Variants in DNAH12 observed in about 807,000 individuals in gnomAD.
DNAH12 encodes dynein axonemal heavy chain 12.
DNAH12 carries 285 observed loss-of-function variants against 371.5 expected under a neutral mutation model. That is an observed-to-expected ratio of 0.77 (90% CI 0.70 to 0.85). The LOEUF (loss-of-function observed/expected upper bound fraction) is 0.85, where lower values mean the gene tolerates loss of function less well. Ranked by LOEUF, DNAH12 falls within the 40% of genes least tolerant of loss-of-function variation. The pLI is 0.00. For synonymous variants in DNAH12, 1,200 were observed against 1,213.0 expected, an observed-to-expected ratio of 0.99 and a Z score of 0.22; for missense variants, 3,611 against 3,689.4, an observed-to-expected ratio of 0.98 and a Z score of 0.55.
intron 13 of DNAH12, among the ~76,000 whole-genome samples, chr3:57,480,205 T>G (rs1038993632): frequency 6.6e-5 from 10 of 150,510 alleles, no homozygotes; most frequent in Non-Finnish European, 1.5e-4. Context: ...GAGAGAAGAA[T>G]CAAATAGATG....
chr3:57,325,750 G>C (rs953449575), intron 62 of DNAH12, among the ~76,000 whole-genome samples: 1 of 152,160 alleles, frequency 6.6e-6, no homozygotes, highest in Admixed American at 6.6e-5. Context: ...AGAGAAGAAG[G>C]CTTCAGACAA....
chr3:57,425,218 A>T (rs923571673), intron 34 of DNAH12, 77 bp from the exon 35 acceptor site: 3 of 660,428 alleles, frequency 4.5e-6, no homozygotes, highest in African/African-American at 3.6e-5. Flanking sequence ...ATTTTTAAAA[A>T]CTGATAAAAG....
chr3:57,476,542 T>A (rs1411274015), intron 13 of DNAH12, among the ~76,000 whole-genome samples: 1 of 151,260 alleles, frequency 6.6e-6, no homozygotes, highest in Admixed American at 6.6e-5. Flanking sequence ...CCAGCCTGGG[T>A]GACAGAGCGA....
At chr3:57,371,874 AAAC>A (rs1354764621) in intron 55 of DNAH12, among the ~76,000 whole-genome samples, 1 of 149,460 alleles carries the variant, frequency 6.7e-6, no homozygotes, top group Non-Finnish European at 1.5e-5. Context: ...TTGAAAGAAA[AAAC>A]AAAAAGCCCC....
At chr3:57,316,364 C>T (rs892778466) in intron 65 of DNAH12, among the ~76,000 whole-genome samples, 2 of 152,120 alleles carry the variant, frequency 1.3e-5, no homozygotes, top group African/African-American at 4.8e-5. Context: ...CCAGTTTAGC[C>T]AAAATGAGGT....
At chr3:57,511,406 A>G (rs1294842839) in intron 4 of DNAH12, among the ~76,000 whole-genome samples, 5 of 152,188 alleles carry the variant, frequency 3.3e-5, no homozygotes, top group Non-Finnish European at 4.4e-5. Context: ...GTATAATATA[A>G]TTTCATAAAT....
rs1298899147 is a variant in DNAH12 at position 57,415,469 on chromosome 3, A to G, written c.5810T>C (p.Phe1937Ser). The G allele has an allele frequency of 2.6e-6, 4 of 1,551,036 alleles. No individual in the cohort carries two copies. Among genetic ancestry groups the G allele is most frequent in the Non-Finnish European group, 3.5e-6 (4 of 1,146,866 alleles). ...NHLEKDQYFP[F>S]YINLSARTSA... is the part of the protein sequence containing the mutation. ...GGTCCGTGCAGATAAGTTAATATAA[A>G]AAGGAAAGTACTGGTCCTTTTCCAA... Residue 1937 changes from phenylalanine to serine, a missense_variant, in exon 38 of 74, where the codon TTT (phenylalanine) becomes TCT (serine). Around this residue, in one of 3 missense-constraint regions of DNAH12, gnomAD observed 2,266 missense variants for 2,236.9 expected, o/e 1.01. Coordinates refer to ENST00000495027, the MANE Select transcript of DNAH12 (RefSeq NM_001366028.2).
intron 43 of DNAH12, among the ~76,000 whole-genome samples, chr3:57,401,277 C>T (rs1000972326): frequency 0.23 from 34,341 of 151,296 alleles, 4,529 homozygotes; most frequent in South Asian, 0.43. Flanking sequence ...AGGCCAGACG[C>T]GGTGGCTGAC....
chr3:57,423,800 C>T (rs1175122051), intron 35 of DNAH12, among the ~76,000 whole-genome samples: 1 of 152,152 alleles, frequency 6.6e-6, no homozygotes, highest in Non-Finnish European at 1.5e-5. Context: ...ACCTAGCTGG[C>T]TGGATGCCTA....
intron 13 of DNAH12, among the ~76,000 whole-genome samples, chr3:57,480,480 T>C (rs1237188034): frequency 6.6e-6 from 1 of 151,124 alleles, no homozygotes; most frequent in African/African-American, 2.4e-5. Flanking sequence ...ACAGCCGAAT[T>C]CTACCAGAGG....
At chr3:57,411,526 CAAAAAAAAAAA>C (rs57344840) in intron 39 of DNAH12, among the ~76,000 whole-genome samples, 6 of 39,154 alleles carry the variant, frequency 1.5e-4, no homozygotes, top group Non-Finnish European at 2.0e-4. Context: ...GACACTGTCT[CAAAAAAAAAAA>C]AAAAAAAAAA....
chr3:57,342,281 TA>T (rs2062419502), intron 60 of DNAH12, among the ~76,000 whole-genome samples: 1 of 151,504 alleles, frequency 6.6e-6, no homozygotes, highest in Non-Finnish European at 1.5e-5. Context: ...TATATCAAAC[TA>T]AAAAAGCTTC....
intron 67 of DNAH12, 99 bp downstream of exon 67, chr3:57,310,615 CATA>C (rs1575432434): frequency 1.3e-6 from 1 of 789,982 alleles, no homozygotes; most frequent in Non-Finnish European, 2.0e-6. Context: ...TGATTAAAAC[CATA>C]ATATTTGTCT....
upstream of DNAH12, among the ~76,000 whole-genome samples, chr3:57,544,590 A>T (rs938841576): frequency 3.9e-5 from 6 of 152,230 alleles, no homozygotes; most frequent in African/African-American, 1.2e-4. Flanking sequence ...GAAAACTGCA[A>T]GACTGGAAAT....
chr3:57,334,790 T>C lies in DNAH12; in HGVS notation c.9825A>G (p.Arg3275=). Residue 3275 remains arginine (R), a synonymous_variant, in exon 61 of 74, where the codon AGA becomes AGG. Coordinates refer to ENST00000495027, the MANE Select transcript of DNAH12 (RefSeq NM_001366028.2). ...CGAATTTAAACAATCACCTGAGTCC[T>C]CTGAAGGCAGGAAATTCACTTGCCC... ...ICRASEFPAF[R]GLRQHFCEHI... is the part of the protein sequence containing the mutation. The C allele has an allele frequency of 6.4e-7, 1 of 1,551,044 alleles. No homozygotes were observed. Among genetic ancestry groups the C allele is most frequent in the Middle Eastern group, 1.7e-4 (1 of 5,992 alleles).
In DNAH12 at chr3:57,309,210, A is replaced by G; in HGVS notation, c.11130T>C (p.Pro3710=). Residue 3710 remains proline, a synonymous_variant, in exon 69 of 74, where the codon CCT becomes CCC. Transcript: ENST00000495027. ...TATTCATGCTTTCTTCATATCTCACAGGATACTTCCGTAGTGCCATTTCAA... is the reference window on the plus strand; with the variant it reads ...TATTCATGCTTTCTTCATATCTCACGGGATACTTCCGTAGTGCCATTTCAA... ...FDIEMALRKY[P]VRYEESMNTV... The G allele has an allele frequency of 6.4e-7, 1 of 1,550,552 alleles. No individual in the cohort carries two copies. The highest frequency in any genetic ancestry group is 8.7e-7 in the Non-Finnish European group (1 of 1,146,730).
intron 50 of DNAH12, among the ~76,000 whole-genome samples, chr3:57,381,311 T>A (rs2063385781): frequency 6.6e-6 from 1 of 151,288 alleles, no homozygotes; most frequent in Non-Finnish European, 1.5e-5. Flanking sequence ...TTCTTTATTA[T>A]CTCAATGAAG....
At position 57,314,533 on chromosome 3, in the gene DNAH12, A is replaced by C; in HGVS notation, c.10623T>G (p.Phe3541Leu). Residue 3541 changes from phenylalanine to leucine, a missense_variant, in exon 66 of 74, where the codon TTT becomes TTG. Physicochemically the swap from Phe to Leu is conservative, Grantham distance 22 (BLOSUM62 0). Coordinates refer to ENST00000495027, the MANE Select transcript of DNAH12 (RefSeq NM_001366028.2). ...GPLGWNIPYG[F>L]NESDLRISIR... ...TACTGATGCGCAAGTCAGATTCATTAAATCCATATGGAATATTCCAACCAA... is the reference window on the plus strand; with the variant it reads ...TACTGATGCGCAAGTCAGATTCATTCAATCCATATGGAATATTCCAACCAA... 1 of 1,551,244 alleles carries C rather than the reference A, an allele frequency of 6.4e-7. No homozygotes were observed. Among genetic ancestry groups the C allele is most frequent in the Non-Finnish European group, 8.7e-7 (1 of 1,146,882 alleles).
At chr3:57,526,901 C>G (rs992170818) in intron 2 of DNAH12, among the ~76,000 whole-genome samples, 14 of 151,816 alleles carry the variant, frequency 9.2e-5, no homozygotes, top group Non-Finnish European at 1.5e-4. Flanking sequence ...GTGGCACTAT[C>G]TCAGCTCACT....
Sources: allele counts gnomAD v4.1 joint callset (sites outside exome capture counted in the v4.1 genomes callset), GRCh38; gene constraint gnomAD v4.1.1; regional missense constraint gnomAD v4.1.1; transcripts MANE v1.5; gene names NCBI Gene and HGNC (gene_info 2026-07-23, HGNC 2026-07-21).